Variants in ITGA5 observed in about 807,000 individuals in gnomAD.
The protein encoded by ITGA5 is integrin alpha-5.
In ITGA5, 55 loss-of-function variants were observed where a neutral mutation model predicts 146.3. The observed-to-expected ratio is 0.38, with a 90% CI of 0.30 to 0.47. ITGA5 has a LOEUF of 0.47. Ranked by LOEUF, ITGA5 falls within the 20% of genes least tolerant of loss-of-function variation. The pLI, the probability that ITGA5 is intolerant of heterozygous loss-of-function variation, is 0.99. For missense variants in ITGA5, 1,131 were observed against 1,329.0 expected (o/e 0.85, Z 2.32); for synonymous variants, 500 against 531.8 (o/e 0.94, Z 0.82).
chr12:54,404,637 GAAGA>G (rs1955837010), intron 13 of ITGA5, 62 bp downstream of exon 13: 1 of 1,520,374 alleles, frequency 6.6e-7, no homozygotes, highest in African/African-American at 1.4e-5. Flanking sequence ...GAAAGGTGCA[GAAGA>G]GAGAGTAGGG....
chr12:54,404,859 G>C lies in ITGA5; in HGVS notation c.1261C>G (p.Gln421Glu), dbSNP rs538916711. 28 of 1,601,284 alleles carry C rather than the reference G, an allele frequency of 1.7e-5. No homozygotes were observed. In the South Asian group the frequency reaches 3.0e-4, roughly 17 times the overall value. ...AIGAPFGGETQQGVVFVFPGG... is the reference protein window; with the variant it reads ...AIGAPFGGETEQGVVFVFPGG... ...GGAAATACAAACACTACTCCCTGCT[G>C]GGTCTCCCCACCAAAGGGAGCCCCG... The change falls in exon 13 of 30, where the codon CAG (glutamine) becomes GAG (glutamate). Residue 421 changes from glutamine (Q) to glutamate (E), a missense_variant. Gln to Glu is a conservative substitution (Grantham distance 29). Around this residue, in one of 3 missense-constraint regions of ITGA5, gnomAD observed 889 missense variants for 1,021.5 expected, o/e 0.87. Coordinates refer to ENST00000293379, the MANE Select transcript of ITGA5 (RefSeq NM_002205.5).
intron 29 of ITGA5, 50 bp from the exon 30 acceptor site, chr12:54,396,426 TC>T: frequency 7.1e-7 from 1 of 1,403,852 alleles, no homozygotes; most frequent in Non-Finnish European, 1.0e-6. Flanking sequence ...CTGCCATTTC[TC>T]CACAGCTCTT....
At position 54,400,860 on chromosome 12, in the gene ITGA5, G is replaced by A. The variant is rs1389425191; in HGVS notation, c.2629C>T (p.Pro877Ser). 3.1e-6 allele frequency: 5 copies of A among 1,613,876 alleles called. No individual in the cohort carries two copies. The highest frequency in any genetic ancestry group is 4.2e-6 in the Non-Finnish European group (5 of 1,179,982). Residue 877 changes from proline to serine, a missense_variant, in exon 25 of 30, where the codon CCA becomes TCA. By Grantham distance (74) the Pro-to-Ser change is moderately conservative. This residue lies in a region of ITGA5 where 889 missense variants were observed against 1,021.5 expected (regional missense o/e 0.87). Coordinates refer to ENST00000293379, the MANE Select transcript of ITGA5 (RefSeq NM_002205.5). ...LNCTTNHPIN[P>S]KGLELDPEGS... Reference sequence around the variant, plus strand: ...CAGGATCTCACCTCCAGGCCCTTTGGGTTAATGGGGTGATTGGTGGTGCAG... The same window carrying A: ...CAGGATCTCACCTCCAGGCCCTTTGAGTTAATGGGGTGATTGGTGGTGCAG...
intron 11 of ITGA5, 111 bp downstream of exon 11, chr12:54,405,553 A>G (rs764704627): frequency 7.2e-6 from 8 of 1,105,786 alleles, no homozygotes; most frequent in Non-Finnish European, 1.1e-5. Context: ...TATGAGCGAG[A>G]GTCTAGAGAA....
chr12:54,401,304 G>T lies in ITGA5; in HGVS notation c.2493+69C>A. On this transcript the variant is annotated intron_variant, in intron 24 of 29. Coordinates refer to ENST00000293379, the MANE Select transcript of ITGA5 (RefSeq NM_002205.5). The surrounding 1 kb of genome is among the most constrained non-coding windows in gnomAD (Gnocchi z 5.0). ...CTCTCAGTCCCTCACATGGGTTCCA[G>T]CCATCTGTCACTCATATTAGCTCCT... is the stretch of plus-strand genomic sequence containing the variant. 8.6e-7 allele frequency: 1 copy of T among 1,158,524 alleles called. No homozygotes were observed. The highest frequency in any genetic ancestry group is 1.3e-6 in the Non-Finnish European group (1 of 767,562). 71.8% of individuals were successfully genotyped at this position (1,158,524 alleles called of 1,614,324 possible).
chr12:54,411,852 T>C lies in ITGA5; in HGVS notation c.331A>G (p.Ile111Val). The change falls in exon 2 of 30, where the codon ATT (isoleucine) becomes GTT (valine). Residue 111 changes from isoleucine to valine, a missense_variant. Ile to Val is a conservative substitution (Grantham distance 29). Around this residue, in one of 3 missense-constraint regions of ITGA5, gnomAD observed 175 missense variants for 179.3 expected, o/e 0.98. Coordinates refer to ENST00000293379, the MANE Select transcript of ITGA5 (RefSeq NM_002205.5). ...WGASPTQCTP[I>V]EFDSKGSRLL... The stretch of plus-strand genomic sequence containing the variant: ...GGCCTACCTTTGCTGTCAAATTCAA[T>C]GGGGGTGCACTGTGTGGGGCTGGCA... The C allele has an allele frequency of 6.6e-7, 1 of 1,511,484 alleles. No individual in the cohort carries two copies. The highest frequency in any genetic ancestry group is 2.6e-5 in the East Asian group (1 of 38,136). 93.6% of individuals were successfully genotyped at this position (1,511,484 alleles called of 1,614,324 possible). A position where few individuals can be genotyped will look rare whatever the true frequency, so the allele number is the denominator to read the frequency against.
In ITGA5 at chr12:54,396,065, C is replaced by A; in HGVS notation, c.*228G>T. 2.2e-6 allele frequency: 1 copy of A among 464,714 alleles called. No homozygotes were observed. The highest frequency in any genetic ancestry group is 3.9e-6 in the Non-Finnish European group (1 of 257,754). The allele number at this position is 464,714 out of a possible 1,614,324, so 28.8% of individuals were successfully genotyped here. A position where few individuals can be genotyped will look rare whatever the true frequency, so the allele number is the denominator to read the frequency against. ...TGTCCCTGGATCTGAGTTCCCCCATCCATGAAGAGGGTATGTGTAAACAAG... is the reference window on the plus strand; with the variant it reads ...TGTCCCTGGATCTGAGTTCCCCCATACATGAAGAGGGTATGTGTAAACAAG... On this transcript the variant is annotated 3_prime_UTR_variant, in exon 30 of 30. Coordinates refer to ENST00000293379, the MANE Select transcript of ITGA5 (RefSeq NM_002205.5).
At position 54,397,414 on chromosome 12, in the gene ITGA5, A is replaced by G. The variant is rs778390918; in HGVS notation, c.3017T>C (p.Ile1006Thr). 1.2e-6 allele frequency: 2 copies of G among 1,614,126 alleles called. No individual in the cohort carries two copies. The highest frequency in any genetic ancestry group is 8.5e-7 in the Non-Finnish European group (1 of 1,179,992). ...ACCTAGGAGCAGGAGGCCAAACAGG[A>G]TGGCTAGGATGATGATCCACAGTGG... ...GVPLWIIILA[I>T]LFGLLLLGLL... The change falls in exon 29 of 30, where the codon ATC (isoleucine) becomes ACC (threonine). Residue 1006 changes from isoleucine (I) to threonine (T), a missense_variant. This residue lies in a region of ITGA5 where 889 missense variants were observed against 1,021.5 expected (regional missense o/e 0.87). Transcript: ENST00000293379.
chr12:54,396,227 C>T lies in ITGA5; in HGVS notation c.*66G>A, dbSNP rs1001643742. 1 of 1,316,918 alleles carries T rather than the reference C, an allele frequency of 7.6e-7. No homozygotes were observed. The highest frequency in any genetic ancestry group is 1.1e-6 in the Non-Finnish European group (1 of 912,756). The allele number at this position is 1,316,918 out of a possible 1,614,324, so 81.6% of individuals were successfully genotyped here. Reference sequence around the variant, plus strand: ...ACCTTCAAGAAGTACCCAGACCCCTCCTTTTCAGTAGAATGAGGGTGGGGG... The same window carrying T: ...ACCTTCAAGAAGTACCCAGACCCCTTCTTTTCAGTAGAATGAGGGTGGGGG... On this transcript the variant is annotated 3_prime_UTR_variant, in exon 30 of 30. Coordinates refer to ENST00000293379, the MANE Select transcript of ITGA5 (RefSeq NM_002205.5).
chr12:54,400,256 T>A, intron 25 of ITGA5: 1 of 347,596 alleles, frequency 2.9e-6, no homozygotes, highest in Non-Finnish European at 5.3e-6. Context: ...GGTTCAACCT[T>A]ATCTTTCAGG....
Position 54,401,405 on chromosome 12 carries a change from C to T in ITGA5, c.2461G>A (p.Asp821Asn), listed in dbSNP as rs2120489658. The T allele has an allele frequency of 6.2e-7, 1 of 1,613,934 alleles. No individual in the cohort carries two copies. Among genetic ancestry groups the T allele is most frequent in the Non-Finnish European group, 8.5e-7 (1 of 1,179,844 alleles). Residue 821 changes from aspartate to asparagine, a missense_variant, in exon 24 of 30, where the codon GAC becomes AAC. By Grantham distance (23) the Asp-to-Asn change is conservative. Coordinates refer to ENST00000293379, the MANE Select transcript of ITGA5 (RefSeq NM_002205.5). The surrounding 1 kb of genome is among the most constrained non-coding windows in gnomAD (Gnocchi z 5.0). ...HPRDQPQKEE[D>N]LGPAVHHVYE... The stretch of plus-strand genomic sequence containing the variant: ...ACATGGTGGACAGCAGGTCCCAGGT[C>T]CTCCTCCTTCTGAGGCTGGTCTCGG...
At position 54,403,915 on chromosome 12, in the gene ITGA5, G is replaced by A; in HGVS notation, c.1617C>T (p.Ser539=). 3.7e-6 allele frequency: 6 copies of A among 1,614,158 alleles called. No homozygotes were observed. In the South Asian group the frequency reaches 5.5e-5, roughly 15 times the overall value. ...GATCCAGGCAGTCTCCCTCACCAAT[G>A]GAGTCAGCAACGTGTTTTCCAGAAG... ...LNASGKHVAD[S]IGFTVELQLD... The change falls in exon 16 of 30, where the codon TCC becomes TCT. Residue 539 remains serine (S), a synonymous_variant. Coordinates refer to ENST00000293379, the MANE Select transcript of ITGA5 (RefSeq NM_002205.5). This position sits in a 1 kb window ranked among gnomAD's most constrained non-coding sequence, Gnocchi z 4.9.
In ITGA5 at chr12:54,403,308, C is replaced by T. The variant is rs771498905; in HGVS notation, c.1793G>A (p.Arg598Gln). 14 of 1,531,564 alleles carry T rather than the reference C, an allele frequency of 9.1e-6. No individual in the cohort carries two copies. The highest frequency in any genetic ancestry group is 4.6e-5 in the East Asian group (2 of 43,854). The allele number at this position is 1,531,564 out of a possible 1,614,324, so 94.9% of individuals were successfully genotyped here. A position where few individuals can be genotyped will look rare whatever the true frequency, so the allele number is the denominator to read the frequency against. ...KIYLRNESEFRDKLSPIHIAL... is the reference protein window; with the variant it reads ...KIYLRNESEFQDKLSPIHIAL... ...GATGTGAATCGGCGAGAGTTTGTCT[C>T]GAAATTCTGACTCGTTCTGGGGCCA... Residue 598 changes from arginine (R) to glutamine (Q), a missense_variant, in exon 18 of 30, where the codon CGA (arginine) becomes CAA (glutamine). Arg to Gln is a conservative substitution (Grantham distance 43, BLOSUM62 1). Around this residue, in one of 3 missense-constraint regions of ITGA5, gnomAD observed 889 missense variants for 1,021.5 expected, o/e 0.87. Coordinates refer to ENST00000293379, the MANE Select transcript of ITGA5 (RefSeq NM_002205.5). This position sits in a 1 kb window ranked among gnomAD's most constrained non-coding sequence, Gnocchi z 4.9.
chr12:54,408,030 G>C (rs1955888588), intron 7 of ITGA5, 80 bp downstream of exon 7: 2 of 1,574,890 alleles, frequency 1.3e-6, no homozygotes, highest in Admixed American at 1.7e-5. Context: ...CTGAGTAGGA[G>C]AGGGGAGGCG....
chr12:54,400,814 C>T (rs1955775678), intron 25 of ITGA5, 32 bp downstream of exon 25: 8 of 1,607,296 alleles, frequency 5.0e-6, no homozygotes, highest in Non-Finnish European at 6.8e-6. Flanking sequence ...TGAATCTGCT[C>T]CTCTTCCCCA....
rs746368710 is a variant in ITGA5 at position 54,403,657 on chromosome 12, C to T, written c.1744G>A (p.Glu582Lys). 6.2e-7 allele frequency: 1 copy of T among 1,614,162 alleles called. No individual in the cohort carries two copies. Among genetic ancestry groups the T allele is most frequent in the South Asian group, 1.1e-5 (1 of 91,084 alleles). Residue 582 changes from glutamate (E) to lysine (K), a missense_variant, in exon 17 of 30, where the codon GAG (glutamate) becomes AAG (lysine). Glu to Lys is a moderately conservative substitution (Grantham distance 56, BLOSUM62 1). Coordinates refer to ENST00000293379, the MANE Select transcript of ITGA5 (RefSeq NM_002205.5). The surrounding 1 kb of genome is among the most constrained non-coding windows in gnomAD (Gnocchi z 4.9). ...QTLLIQNGAR[E>K]DCREMKIYLR... ...TAGATCTTCATCTCTCTGCAATCCTCTCGAGCCCCATTCTGGATGAGCAGG... is the reference window on the plus strand; with the variant it reads ...TAGATCTTCATCTCTCTGCAATCCTTTCGAGCCCCATTCTGGATGAGCAGG...
At position 54,411,864 on chromosome 12, in the gene ITGA5, G is replaced by C; in HGVS notation, c.319C>G (p.Gln107Glu). The change falls in exon 2 of 30, where the codon CAG (glutamine) becomes GAG (glutamate). Residue 107 changes from glutamine (Q) to glutamate (E), a missense_variant. Physicochemically the swap from Gln to Glu is conservative, Grantham distance 29. This residue lies in a region of ITGA5 where 175 missense variants were observed against 179.3 expected (regional missense o/e 0.98). Coordinates refer to ENST00000293379, the MANE Select transcript of ITGA5 (RefSeq NM_002205.5). ...YLCPWGASPT[Q>E]CTPIEFDSKG... ...CTGTCAAATTCAATGGGGGTGCACT[G>C]TGTGGGGCTGGCACCCCAAGGACAG... is the stretch of plus-strand genomic sequence containing the variant. 4 of 1,588,786 alleles carry C rather than the reference G, an allele frequency of 2.5e-6. No homozygotes were observed. The highest frequency in any genetic ancestry group is 3.4e-6 in the Non-Finnish European group (4 of 1,167,652).
rs114713960 is a variant in ITGA5, at chr12:54,406,140, C to T, written c.907-214G>A. 417 of 596,790 alleles carry T rather than the reference C, an allele frequency of 7.0e-4. 1 individual carries two copies. Among genetic ancestry groups the T allele is most frequent in the African/African-American group, 6.3e-3 (342 of 54,070 alleles). The allele number at this position is 596,790 out of a possible 1,614,324, so 37.0% of individuals were successfully genotyped here. On this transcript the variant is annotated intron_variant, in intron 9 of 29. Transcript: ENST00000293379. ...TCACTATTTTTCTCCCTATCAATCACCAACCACTGACAGATTTTGTATTTA... is the reference window on the plus strand; with the variant it reads ...TCACTATTTTTCTCCCTATCAATCATCAACCACTGACAGATTTTGTATTTA...
In ITGA5 at chr12:54,396,272, G is replaced by A; in HGVS notation, c.*21C>T. On this transcript the variant is annotated 3_prime_UTR_variant, in exon 30 of 30. Coordinates refer to ENST00000293379, the MANE Select transcript of ITGA5 (RefSeq NM_002205.5). ...TGGGGGGACTGGTTCTTCAGGAATG[G>A]GAGTCTGAAATTGGGAGGACTCAGG... 6.3e-7 allele frequency: 1 copy of A among 1,586,118 alleles called. No homozygotes were observed. Among genetic ancestry groups the A allele is most frequent in the African/African-American group, 1.3e-5 (1 of 74,368 alleles).
Sources: allele counts gnomAD v4.1 joint callset, GRCh38; gene constraint gnomAD v4.1.1; regional missense constraint gnomAD v4.1.1; non-coding constraint Gnocchi (gnomAD v3.1); transcripts MANE v1.5; gene names NCBI Gene and HGNC (gene_info 2026-07-23, HGNC 2026-07-21).